Variants in ERBB4 observed in about 807,000 individuals in gnomAD.
ERBB4 encodes the protein receptor tyrosine-protein kinase erbB-4.
In ERBB4, 42 loss-of-function variants were observed where a neutral mutation model predicts 158.0. The ratio of observed to expected loss-of-function variants is 0.27; its 90% confidence interval spans 0.21 to 0.34. The LOEUF (loss-of-function observed/expected upper bound fraction) is 0.34. Ranked by LOEUF, ERBB4 falls within the 10% of genes least tolerant of loss-of-function variation. The probability of loss-of-function intolerance (pLI) is 1.00; values close to 1 mark genes in which losing one functional copy is unlikely to be tolerated. For missense variants in ERBB4, 1,333 were observed against 1,624.1 expected (o/e 0.82, Z 3.08); for synonymous variants, 583 against 558.7 (o/e 1.04, Z -0.61).
At chr2:211,467,056 G>A (rs2064712395) in intron 20 of ERBB4, among the ~76,000 whole-genome samples, 2 of 152,050 alleles carry the variant, frequency 1.3e-5, no homozygotes, top group Non-Finnish European at 2.9e-5. Context: ...GACCTCCAAT[G>A]TCCATGTTAG....
chr2:212,059,598 T>C (rs1229474663), intron 2 of ERBB4, among the ~76,000 whole-genome samples: 1 of 152,126 alleles, frequency 6.6e-6, no homozygotes, highest in Non-Finnish European at 1.5e-5. Context: ...AACAGAGATA[T>C]AGACCAATGG....
chr2:212,152,685 T>A (rs1391795265), intron 1 of ERBB4, among the ~76,000 whole-genome samples: 1 of 152,170 alleles, frequency 6.6e-6, no homozygotes, highest in Non-Finnish European at 1.5e-5. Flanking sequence ...CACCCATACA[T>A]CTAACTGCCT....
At chr2:212,347,596 G>A (rs374548229) in intron 1 of ERBB4, among the ~76,000 whole-genome samples, 26 of 152,190 alleles carry the variant, frequency 1.7e-4, no homozygotes, top group Middle Eastern at 6.8e-3. Flanking sequence ...CAGAACTGTT[G>A]CAGATATTTG....
At chr2:212,012,368 C>A (rs1575514226) in intron 2 of ERBB4, among the ~76,000 whole-genome samples, 2 of 150,826 alleles carry the variant, frequency 1.3e-5, no homozygotes, top group East Asian at 3.9e-4. Flanking sequence ...TGGTACTGGG[C>A]TGGTCATTGT....
At chr2:212,253,134 A>G (rs1017484013) in intron 1 of ERBB4, among the ~76,000 whole-genome samples, 1 of 152,132 alleles carries the variant, frequency 6.6e-6, no homozygotes, top group East Asian at 1.9e-4. Flanking sequence ...AATAAACATC[A>G]TGAGTAGCAG....
intron 1 of ERBB4, among the ~76,000 whole-genome samples, chr2:212,517,742 T>A (rs1020036312): frequency 6.6e-6 from 1 of 152,110 alleles, no homozygotes; most frequent in Non-Finnish European, 1.5e-5. Context: ...ACTGACATAA[T>A]ACAGCTATTT....
intron 1 of ERBB4, among the ~76,000 whole-genome samples, chr2:212,193,304 G>T (rs572612346): frequency 1.3e-5 from 2 of 152,158 alleles, no homozygotes; most frequent in Non-Finnish European, 2.9e-5. Flanking sequence ...AAAGGAGGTT[G>T]TCACTCTGTA....
intron 3 of ERBB4, among the ~76,000 whole-genome samples, chr2:211,885,379 T>C (rs1402022414): frequency 2.0e-5 from 3 of 152,092 alleles, no homozygotes; most frequent in Admixed American, 2.0e-4. Flanking sequence ...ATTTTGAAAT[T>C]GTAACCTATT....
At chr2:211,531,701 G>C (rs75596861) in intron 20 of ERBB4, among the ~76,000 whole-genome samples, 1 of 151,974 alleles carries the variant, frequency 6.6e-6, no homozygotes, top group Non-Finnish European at 1.5e-5. Flanking sequence ...CCTCTCATAC[G>C]CTGTTGGTGG....
At chr2:212,529,137 G>A (rs766087229) in intron 1 of ERBB4, among the ~76,000 whole-genome samples, 32 of 152,050 alleles carry the variant, frequency 2.1e-4, no homozygotes, top group Non-Finnish European at 2.9e-4. Flanking sequence ...CTGGCATCTT[G>A]AGCTTCTTAT....
intron 13 of ERBB4, among the ~76,000 whole-genome samples, chr2:211,676,992 T>C (rs1212411742): frequency 6.6e-6 from 1 of 152,118 alleles, no homozygotes; most frequent in Admixed American, 6.5e-5. Context: ...CCTCACAAAA[T>C]TAAATGCTAA....
chr2:212,288,555 A>C (rs7575288), intron 1 of ERBB4, among the ~76,000 whole-genome samples: 2 of 151,928 alleles, frequency 1.3e-5, no homozygotes, highest in Admixed American at 1.3e-4. Flanking sequence ...CTGTTGCAGC[A>C]TAGTAACCTG....
intron 20 of ERBB4, among the ~76,000 whole-genome samples, chr2:211,484,054 T>A (rs1217068743): frequency 2.0e-5 from 3 of 152,170 alleles, no homozygotes; most frequent in Non-Finnish European, 4.4e-5. Flanking sequence ...TCACAAGAAA[T>A]GTTAGAGTTC....
intron 3 of ERBB4, among the ~76,000 whole-genome samples, chr2:211,840,511 G>A (rs1175270634): frequency 2.0e-5 from 3 of 152,096 alleles, no homozygotes; most frequent in Admixed American, 6.6e-5. Flanking sequence ...GGAGTTGATA[G>A]ATTTATGATC....
chr2:211,830,606 C>T (rs959020939), intron 3 of ERBB4, among the ~76,000 whole-genome samples: 10 of 151,938 alleles, frequency 6.6e-5, no homozygotes, highest in African/African-American at 1.2e-4. Context: ...AATAAATTAA[C>T]GTTGAATACT....
chr2:212,298,622 A>T (rs10445811), intron 1 of ERBB4, among the ~76,000 whole-genome samples: 1 of 151,390 alleles, frequency 6.6e-6, no homozygotes, highest in African/African-American at 2.4e-5. Context: ...CTCATGTCTA[A>T]GATACTACCA....
intron 3 of ERBB4, among the ~76,000 whole-genome samples, chr2:211,839,202 A>G (rs549664245): frequency 7.3e-6 from 1 of 136,482 alleles, no homozygotes; most frequent in Non-Finnish European, 1.6e-5. Flanking sequence ...AGGGAAAGAA[A>G]GAAAGAGAGA....
At chr2:211,803,693 C>T (rs942904786) in intron 3 of ERBB4, among the ~76,000 whole-genome samples, 1 of 152,194 alleles carries the variant, frequency 6.6e-6, no homozygotes, top group South Asian at 2.1e-4. Flanking sequence ...ATGCAAAGCA[C>T]GTCTGTAGAT....
chr2:212,524,116 T>C (rs1474662415), intron 1 of ERBB4, among the ~76,000 whole-genome samples: 1 of 152,032 alleles, frequency 6.6e-6, no homozygotes, highest in Non-Finnish European at 1.5e-5. Flanking sequence ...TCTTTAATCA[T>C]TCTTCAAATT....
Sources: gnomAD v4.1 joint callset for allele counts (sites outside exome capture counted in the v4.1 genomes callset) on GRCh38, gnomAD v4.1.1 for gene constraint, MANE v1.5 for transcripts, NCBI Gene and HGNC (gene_info 2026-07-23, HGNC 2026-07-21) for gene names.